TRPM6: variants seen among roughly 807,000 people sequenced by gnomAD.
TRPM6 encodes transient receptor potential cation channel subfamily M member 6.
TRPM6 carries 111 observed loss-of-function variants against 247.6 expected under a neutral mutation model. The ratio of observed to expected loss-of-function variants is 0.45; its 90% CI spans 0.38 to 0.52. The LOEUF (loss-of-function observed/expected upper bound fraction) is 0.52. TRPM6 is among the 20% of genes least tolerant of loss of function. TRPM6 has a pLI of 0.00. For missense variants in TRPM6, 2,126 were observed against 2,421.5 expected, an observed-to-expected ratio of 0.88 and a Z score of 2.56; for synonymous variants, 892 against 853.8, an observed-to-expected ratio of 1.04 and a Z score of -0.78.
rs141090940 is a variant in TRPM6 at position 74,828,227 on chromosome 9, G to A, written c.670-278C>T. 1.5e-3 allele frequency among the ~76,000 whole-genome samples: 225 copies of A among 152,198 alleles called. 1 individual carries two copies. The highest frequency in any genetic ancestry group is 2.4e-3 in the Non-Finnish European group (161 of 68,004). ...AAAAATTGGCCAGGCATGGTGGCAGGTGCCTGTAGTCCCAGCTACTTGGGA... is the reference window on the plus strand; with the variant it reads ...AAAAATTGGCCAGGCATGGTGGCAGATGCCTGTAGTCCCAGCTACTTGGGA... On this transcript the variant is annotated intron_variant, in intron 6 of 38. Coordinates refer to ENST00000360774, the MANE Select transcript of TRPM6 (RefSeq NM_017662.5).
At chr9:74,873,636 C>T (rs1019420443) in intron 1 of TRPM6, among the ~76,000 whole-genome samples, 2 of 152,040 alleles carry the variant, frequency 1.3e-5, no homozygotes, top group Non-Finnish European at 2.9e-5. Context: ...TAAGAGATTT[C>T]CAACAATTAT....
At chr9:74,737,896 G>A (rs1054679981) in intron 36 of TRPM6, among the ~76,000 whole-genome samples, 2 of 152,200 alleles carry the variant, frequency 1.3e-5, no homozygotes, top group Non-Finnish European at 2.9e-5. Flanking sequence ...ATAGCCAGGA[G>A]ATGTGCTGAC....
rs1378278992 is a variant in TRPM6, at chr9:74,723,813, T to A, written c.*800A>T. ...ACTCCATCTCAAAAATAAAAATATA[T>A]ATATATATATATAAAATATATATAT... is the stretch of plus-strand genomic sequence containing the variant. On this transcript the variant is annotated 3_prime_UTR_variant, in exon 39 of 39. Transcript: ENST00000360774. 5 of 146,172 alleles carry A rather than the reference T, an allele frequency of 3.4e-5. No individual in the cohort carries two copies. The highest frequency in any genetic ancestry group is 1.2e-4 in the African/African-American group (5 of 40,224). 9.1% of individuals were successfully genotyped at this position (146,172 alleles called of 1,614,324 possible). A position where few individuals can be genotyped will look rare whatever the true frequency, so the allele number is the denominator to read the frequency against.
At chr9:74,782,889 C>T (rs1203939350) in intron 21 of TRPM6, 36 bp from the exon 22 acceptor site, 1 of 1,606,432 alleles carries the variant, frequency 6.2e-7, no homozygotes, top group Non-Finnish European at 8.5e-7. Context: ...AATTTTACCA[C>T]AGATTTGAAG....
intron 25 of TRPM6, among the ~76,000 whole-genome samples, chr9:74,767,343 A>G (rs1826862042): frequency 6.6e-6 from 1 of 152,246 alleles, no homozygotes; most frequent in Non-Finnish European, 1.5e-5. Context: ...TTACACTACT[A>G]GAATCAAAAA....
At chr9:74,842,811 T>G (rs77043754) in intron 3 of TRPM6, among the ~76,000 whole-genome samples, 2,866 of 152,306 alleles carry the variant, frequency 0.019, 83 homozygotes, top group African/African-American at 0.064. Flanking sequence ...TTCAGTGAGT[T>G]GTAATCTATG....
chr9:74,742,931 T>A (rs1825908646), intron 32 of TRPM6, among the ~76,000 whole-genome samples: 1 of 152,240 alleles, frequency 6.6e-6, no homozygotes, highest in Non-Finnish European at 1.5e-5. Context: ...AACTTTCTTT[T>A]AAATGGCATT....
intron 21 of TRPM6, among the ~76,000 whole-genome samples, 185 bp downstream of exon 21, chr9:74,785,689 A>ATT (rs369390243): frequency 1.3e-5 from 2 of 151,966 alleles, no homozygotes; most frequent in African/African-American, 4.8e-5. Flanking sequence ...TGCCCGGCTA[A>ATT]TTTTTTTGTA....
At chr9:74,883,403 T>C (rs1564066019) in intron 1 of TRPM6, among the ~76,000 whole-genome samples, 1 of 152,146 alleles carries the variant, frequency 6.6e-6, no homozygotes, top group East Asian at 1.9e-4. Context: ...GAAAACCAAA[T>C]TAAAGCTGAA....
At chr9:74,794,693 T>C (rs930741047) in intron 18 of TRPM6, among the ~76,000 whole-genome samples, 4 of 152,074 alleles carry the variant, frequency 2.6e-5, no homozygotes, top group Non-Finnish European at 4.4e-5. Context: ...CAGTTTGGAG[T>C]GAATTATAAA....
chr9:74,797,447 A>T (rs1828139731), intron 17 of TRPM6, among the ~76,000 whole-genome samples: 1 of 152,172 alleles, frequency 6.6e-6, no homozygotes, highest in Non-Finnish European at 1.5e-5. Flanking sequence ...ACTTTAAAGC[A>T]TCTCTAAATT....
chr9:74,856,347 G>A (rs1023381287), intron 2 of TRPM6, among the ~76,000 whole-genome samples: 2 of 152,038 alleles, frequency 1.3e-5, no homozygotes, highest in African/African-American at 2.4e-5. Context: ...GGCTAAGATG[G>A]GAGGGTTGTT....
rs1164689974 is a variant in TRPM6 at position 74,738,617 on chromosome 9, T to G, written c.5571-5A>C. The G allele has an allele frequency of 3.1e-6, 5 of 1,613,746 alleles. No homozygotes were observed. The Admixed American group carries it at 8.3e-5, about 27-fold the overall frequency. On this transcript the variant is annotated splice_region_variant and splice_polypyrimidine_tract_variant and intron_variant, in intron 35 of 38. Coordinates refer to ENST00000360774, the MANE Select transcript of TRPM6 (RefSeq NM_017662.5). The stretch of plus-strand genomic sequence containing the variant: ...ATTAAGAAAACTTCCAGGAACCTGT[T>G]AGGGAAAAAGAGGCCATTGATCCCC...
At chr9:74,765,549 T>C (rs534982253) in intron 25 of TRPM6, among the ~76,000 whole-genome samples, 30 of 152,140 alleles carry the variant, frequency 2.0e-4, no homozygotes, top group South Asian at 4.1e-4. Context: ...AAATCTTCAA[T>C]AAACAAGATT....
At chr9:74,855,659 C>A in intron 2 of TRPM6, 94 bp from the exon 3 acceptor site, 1 of 885,686 alleles carries the variant, frequency 1.1e-6, no homozygotes. Context: ...TTTCCATGAT[C>A]TAGAAATCAA....
intron 36 of TRPM6, among the ~76,000 whole-genome samples, chr9:74,737,807 T>C (rs563103483): frequency 6.6e-6 from 1 of 152,350 alleles, no homozygotes; most frequent in East Asian, 1.9e-4. Flanking sequence ...ATACATATTT[T>C]GTTCTGTCCC....
intron 4 of TRPM6, 54 bp downstream of exon 4, chr9:74,842,112 G>GAA (rs373974133): frequency 1.5e-3 from 2,112 of 1,384,304 alleles, no homozygotes; most frequent in Non-Finnish European, 1.7e-3. Flanking sequence ...ACCCCGTCTC[G>GAA]AAAAAAAAAA....
intron 7 of TRPM6, among the ~76,000 whole-genome samples, chr9:74,824,004 G>C (rs535882439): frequency 6.6e-6 from 1 of 152,096 alleles, no homozygotes; most frequent in East Asian, 1.9e-4. Flanking sequence ...TTGATAGTGA[G>C]ATTACAGAAA....
intron 6 of TRPM6, among the ~76,000 whole-genome samples, chr9:74,833,111 G>A (rs1265587681): frequency 6.6e-6 from 1 of 151,686 alleles, no homozygotes; most frequent in Non-Finnish European, 1.5e-5. Context: ...TCGACATGGA[G>A]AAATAACTAC....
Sources: allele counts gnomAD v4.1 joint callset (sites outside exome capture counted in the v4.1 genomes callset), GRCh38; gene constraint gnomAD v4.1.1; transcripts MANE v1.5; gene names NCBI Gene and HGNC (gene_info 2026-07-23, HGNC 2026-07-21).